Variants in NTM observed in about 807,000 individuals in gnomAD.
The protein encoded by NTM is IgLON family member 2.
Under a neutral mutation model 42.1 loss-of-function variants are expected in NTM, and 13 were observed. That is an observed-to-expected ratio of 0.31 (90% confidence interval 0.20 to 0.49). NTM has a LOEUF of 0.49. Among genes scored for constraint, NTM ranks in the 20% least tolerant of loss-of-function variants. NTM has a pLI of 0.99. For synonymous variants in NTM, 187 were observed against 179.2 expected, an observed-to-expected ratio of 1.04 and a Z score of -0.35; for missense variants, 373 against 452.8, an observed-to-expected ratio of 0.82 and a Z score of 1.60.
At chr11:131,976,116 A>ATACCTTCC (rs1555201515) in intron 2 of NTM, among the ~76,000 whole-genome samples, 1 of 123,770 alleles carries the variant, frequency 8.1e-6, no homozygotes, top group Admixed American at 8.5e-5. Context: ...TCCCTCCCTC[A>ATACCTTCC]TTCCTTCCTT....
intron 1 of NTM, among the ~76,000 whole-genome samples, chr11:131,763,707 C>CTTTTTTTTTTTTTTTTTTTTTTTTTT (rs1443279848): frequency 1.6e-5 from 1 of 60,766 alleles, no homozygotes; most frequent in Non-Finnish European, 3.8e-5. Context: ...CCATCTCTCT[C>CTTTTTTTTTTTTTTTTTTTTTTTTTT]TCTTTTTTTT....
intron 1 of NTM, among the ~76,000 whole-genome samples, chr11:131,433,537 T>C (rs1468824699): frequency 6.6e-6 from 1 of 152,184 alleles, no homozygotes; most frequent in Non-Finnish European, 1.5e-5. Flanking sequence ...ACTTTTCAGT[T>C]ACTTCCTGAG....
chr11:131,560,700 T>G (rs2056115267), intron 1 of NTM, among the ~76,000 whole-genome samples: 1 of 152,238 alleles, frequency 6.6e-6, no homozygotes, highest in African/African-American at 2.4e-5. Context: ...GCACAACCAT[T>G]TCTTATTTAA....
chr11:132,103,139 C>T (rs1323526604), intron 2 of NTM, among the ~76,000 whole-genome samples: 1 of 152,224 alleles, frequency 6.6e-6, no homozygotes, highest in Non-Finnish European at 1.5e-5. Flanking sequence ...GAGGTGACCG[C>T]CTGGGCGCAC....
chr11:132,119,099 G>A (rs905707196), intron 2 of NTM, among the ~76,000 whole-genome samples: 12 of 152,192 alleles, frequency 7.9e-5, no homozygotes, highest in Admixed American at 2.6e-4. Flanking sequence ...GACCTGGGCA[G>A]ACAGTGCCCC....
intron 1 of NTM, among the ~76,000 whole-genome samples, chr11:131,694,815 A>T (rs1278015311): frequency 6.6e-6 from 1 of 152,168 alleles, no homozygotes; most frequent in African/African-American, 2.4e-5. Context: ...CCTGATGATC[A>T]CTCAGGATTG....
intron 1 of NTM, among the ~76,000 whole-genome samples, chr11:131,610,961 G>A (rs1228202164): frequency 6.6e-6 from 1 of 152,160 alleles, no homozygotes; most frequent in East Asian, 1.9e-4. Context: ...GTGCAGAATC[G>A]ATTGGATTGG....
At chr11:131,755,518 T>C (rs1340617033) in intron 1 of NTM, among the ~76,000 whole-genome samples, 3 of 152,206 alleles carry the variant, frequency 2.0e-5, no homozygotes, top group Non-Finnish European at 4.4e-5. Flanking sequence ...GTAGTTTTAG[T>C]ATAAGTATGT....
At chr11:132,182,740 C>T (rs1435332343) in intron 3 of NTM, among the ~76,000 whole-genome samples, 3 of 152,174 alleles carry the variant, frequency 2.0e-5, no homozygotes, top group Non-Finnish European at 2.9e-5. Flanking sequence ...GGATGGTCCT[C>T]ATTTCCTATG....
intron 2 of NTM, among the ~76,000 whole-genome samples, chr11:132,077,978 GT>G (rs2058578855): frequency 6.6e-6 from 1 of 152,178 alleles, no homozygotes; most frequent in Admixed American, 6.5e-5. Context: ...TTATACTAAT[GT>G]GTATTGAACA....
chr11:131,688,272 G>GA lies in NTM; in HGVS notation c.83-223289dup, dbSNP rs1364137063. Among the ~76,000 whole-genome samples, 7 of 152,318 alleles carry GA rather than the reference G, an allele frequency of 4.6e-5. No individual in the cohort carries two copies. The East Asian group carries it at 1.2e-3, about 25-fold the overall frequency. ...CTCTCAGCGGACTCCAGACAGGGGG[G>GA]AAAGCAGCTTGCCCGTCCTCCTTCC... On this transcript the variant is annotated intron_variant, in intron 1 of 8. Coordinates refer to ENST00000683400, the MANE Select transcript of NTM (RefSeq NM_001352005.2).
At chr11:131,462,354 A>T (rs2136117676) in intron 1 of NTM, among the ~76,000 whole-genome samples, 1 of 152,372 alleles carries the variant, frequency 6.6e-6, no homozygotes, top group Non-Finnish European at 1.5e-5. Flanking sequence ...CAAACACATA[A>T]AACTATGCAC....
At chr11:131,890,394 G>C (rs926458306) in intron 1 of NTM, among the ~76,000 whole-genome samples, 1 of 152,176 alleles carries the variant, frequency 6.6e-6, no homozygotes, top group Non-Finnish European at 1.5e-5. Flanking sequence ...TGTGCTAATG[G>C]TAAGGCAGCC....
chr11:131,794,527 C>T (rs958371161), intron 1 of NTM: 1 of 977,818 alleles, frequency 1.0e-6, no homozygotes. Context: ...AAGAATTTTA[C>T]TCCTTGCTGC....
At chr11:131,581,391 G>A (rs1464712633) in intron 1 of NTM, among the ~76,000 whole-genome samples, 1 of 152,238 alleles carries the variant, frequency 6.6e-6, no homozygotes, top group African/African-American at 2.4e-5. Flanking sequence ...GTCTAACAGA[G>A]TCAGATGACG....
intron 1 of NTM, among the ~76,000 whole-genome samples, chr11:131,654,017 C>T (rs555964019): frequency 3.9e-5 from 6 of 152,238 alleles, no homozygotes; most frequent in Non-Finnish European, 7.4e-5. Flanking sequence ...GCTTCCCTGC[C>T]CGTCAGATGG....
intron 4 of NTM, among the ~76,000 whole-genome samples, chr11:132,262,821 C>G (rs778604726): frequency 3.9e-5 from 6 of 152,196 alleles, no homozygotes; most frequent in Non-Finnish European, 7.3e-5. Context: ...AAAGTCTTAA[C>G]TCGCTCCAGA....
At chr11:132,025,686 A>C (rs1199227193) in intron 2 of NTM, among the ~76,000 whole-genome samples, 1 of 152,190 alleles carries the variant, frequency 6.6e-6, no homozygotes, top group Non-Finnish European at 1.5e-5. Context: ...CCATAGCCAC[A>C]GATTCAGACC....
intron 1 of NTM, among the ~76,000 whole-genome samples, chr11:131,641,948 A>C (rs950738661): frequency 1.3e-5 from 2 of 152,036 alleles, no homozygotes; most frequent in African/African-American, 4.8e-5. Context: ...GATGGTCTCG[A>C]TCTCCTGACC....
Sources: allele counts gnomAD v4.1 joint callset (sites outside exome capture counted in the v4.1 genomes callset), GRCh38; gene constraint gnomAD v4.1.1; transcripts MANE v1.5; gene names NCBI Gene and HGNC (gene_info 2026-07-23, HGNC 2026-07-21).